DNAH8: variants seen among roughly 807,000 people sequenced by gnomAD.
DNAH8 encodes axonemal beta dynein heavy chain 8.
Under a neutral mutation model 562.1 loss-of-function variants are expected in DNAH8, and 382 were observed. The ratio of observed to expected loss-of-function variants is 0.68; its 90% confidence interval spans 0.63 to 0.74. The LOEUF is 0.74. DNAH8 is among the 30% of genes least tolerant of loss of function. The probability of loss-of-function intolerance (pLI) is 0.00; values close to 1 mark genes in which losing one functional copy is unlikely to be tolerated. For synonymous variants in DNAH8, 1,881 were observed against 1,919.4 expected (o/e 0.98, Z 0.52); for missense variants, 5,203 against 5,620.4 (o/e 0.93, Z 2.37).
intron 31 of DNAH8, 38 bp from the exon 32 acceptor site, chr6:38,834,541 A>G (rs1403165955): frequency 7.2e-7 from 1 of 1,390,524 alleles, no homozygotes; most frequent in Non-Finnish European, 9.9e-7. Context: ...AATACATATG[A>G]TTAAGAATGA....
intron 45 of DNAH8, 109 bp downstream of exon 45, chr6:38,864,169 C>A: frequency 4.4e-6 from 4 of 907,072 alleles, no homozygotes; most frequent in South Asian, 1.7e-5. Context: ...GAGTTATAAG[C>A]TGTTCTCTCT....
intron 16 of DNAH8, 55 bp from the exon 17 acceptor site, chr6:38,782,949 G>A (rs1768784379): frequency 1.4e-6 from 2 of 1,468,246 alleles, no homozygotes; most frequent in Non-Finnish European, 9.4e-7. Flanking sequence ...TCATTATTTG[G>A]ATATAAAAAC....
intron 68 of DNAH8, 136 bp from the exon 69 acceptor site, chr6:38,917,103 C>A: frequency 1.7e-6 from 1 of 593,002 alleles, no homozygotes; most frequent in Non-Finnish European, 2.7e-6. Flanking sequence ...GAAAGAGCCA[C>A]TAAGCAAAAA....
At chr6:38,994,574 A>G (rs564130653) in intron 88 of DNAH8, among the ~76,000 whole-genome samples, 1 of 150,240 alleles carries the variant, frequency 6.7e-6, no homozygotes, top group South Asian at 2.1e-4. Context: ...GAATTTACCT[A>G]TTAGGTATAA....
intron 13 of DNAH8, among the ~76,000 whole-genome samples, chr6:38,777,454 A>G (rs576006841): frequency 4.6e-5 from 7 of 152,290 alleles, no homozygotes; most frequent in African/African-American, 1.7e-4. Flanking sequence ...TTCGTTTTCC[A>G]ATGTTTGATT....
intron 82 of DNAH8, among the ~76,000 whole-genome samples, chr6:38,958,979 T>C (rs1308300471): frequency 6.6e-6 from 1 of 152,168 alleles, no homozygotes; most frequent in Non-Finnish European, 1.5e-5. Context: ...TCAAGGTACA[T>C]AAATCAGTAA....
chr6:38,936,896 G>A (rs946637800), intron 77 of DNAH8, among the ~76,000 whole-genome samples: 2 of 152,176 alleles, frequency 1.3e-5, no homozygotes, highest in Non-Finnish European at 2.9e-5. Context: ...GCTGTTCGCA[G>A]ATATGGGAAC....
At chr6:38,852,570 A>G in intron 39 of DNAH8, 124 bp from the exon 40 acceptor site, 10 of 655,334 alleles carry the variant, frequency 1.5e-5, no homozygotes, top group Non-Finnish European at 2.3e-5. Context: ...GTCTCTCTCT[A>G]TTTTTTGAGA....
rs748502789 is a variant in DNAH8, at chr6:38,755,965, A to G, written c.1408-7A>G. 1 of 1,517,906 alleles carries G rather than the reference A, an allele frequency of 6.6e-7. No individual in the cohort carries two copies. Among genetic ancestry groups the G allele is most frequent in the Non-Finnish European group, 9.1e-7 (1 of 1,093,530 alleles). 94.0% of individuals were successfully genotyped at this position (1,517,906 alleles called of 1,614,324 possible). A position where few individuals can be genotyped will look rare whatever the true frequency, so the allele number is the denominator to read the frequency against. ...GATGGAATTCACTTAATTTGTTTCA[A>G]TGTTAGGTTTCCATGGCACATGGAA... On this transcript the variant is annotated splice_region_variant and splice_polypyrimidine_tract_variant and intron_variant, in intron 9 of 92. Coordinates refer to ENST00000327475, the MANE Select transcript of DNAH8 (RefSeq NM_001206927.2).
intron 1 of DNAH8, among the ~76,000 whole-genome samples, chr6:38,717,545 A>C (rs1178892735): frequency 6.6e-6 from 1 of 151,516 alleles, no homozygotes; most frequent in African/African-American, 2.4e-5. Context: ...GGCTAGTCTC[A>C]AACTCCTGAG....
chr6:39,030,121 A>G lies in DNAH8; in HGVS notation c.13853A>G (p.Tyr4618Cys), dbSNP rs1488336144. Residue 4618 changes from tyrosine (Y) to cysteine (C), a missense_variant, in exon 93 of 93, where the codon TAT (tyrosine) becomes TGT (cysteine). Physicochemically the swap from Tyr to Cys is radical, Grantham distance 194 (BLOSUM62 -2). Coordinates refer to ENST00000327475, the MANE Select transcript of DNAH8 (RefSeq NM_001206927.2). ...TSPPGEGVYI[Y>C]GLYMDGAAWD... is the part of the protein sequence containing the mutation. ...CTCTTCCAGGAAGGTGTGTATATTT[A>G]TGGGCTCTACATGGATGGAGCAGCC... 3 of 1,613,586 alleles carry G rather than the reference A, an allele frequency of 1.9e-6. No homozygotes were observed. Among genetic ancestry groups the G allele is most frequent in the East Asian group, 2.2e-5 (1 of 44,878 alleles).
intron 43 of DNAH8, among the ~76,000 whole-genome samples, chr6:38,861,572 T>G (rs553930757): frequency 1.3e-5 from 2 of 152,312 alleles, no homozygotes; most frequent in African/African-American, 4.8e-5. Context: ...TCTTTTTTTG[T>G]TTTGAGACAG....
intron 68 of DNAH8, 46 bp from the exon 69 acceptor site, chr6:38,917,193 A>G (rs775068568): frequency 7.3e-7 from 1 of 1,367,866 alleles, no homozygotes; most frequent in Non-Finnish European, 1.0e-6. Flanking sequence ...TATAACTATT[A>G]ATACCACTCA....
chr6:38,777,725 C>T (rs191186035), intron 13 of DNAH8, among the ~76,000 whole-genome samples: 1 of 152,292 alleles, frequency 6.6e-6, no homozygotes, highest in East Asian at 1.9e-4. Context: ...AGCCACCACT[C>T]TGGGCCAATG....
At chr6:38,721,811 T>C (rs1430453132) in intron 1 of DNAH8, among the ~76,000 whole-genome samples, 1 of 152,194 alleles carries the variant, frequency 6.6e-6, no homozygotes, top group Non-Finnish European at 1.5e-5. Flanking sequence ...TGACCCATCA[T>C]AAGAAGCTCC....
At chr6:38,765,268 T>G (rs978261709) in intron 11 of DNAH8, among the ~76,000 whole-genome samples, 2 of 152,240 alleles carry the variant, frequency 1.3e-5, no homozygotes, top group African/African-American at 4.8e-5. Flanking sequence ...AGAGGTTGTC[T>G]CTTCACTCTG....
At chr6:38,935,371 G>C (rs1487499729) in intron 76 of DNAH8, among the ~76,000 whole-genome samples, 1 of 152,206 alleles carries the variant, frequency 6.6e-6, no homozygotes, top group African/African-American at 2.4e-5. Context: ...GCCAGTATAA[G>C]TGCTGTGGAA....
chr6:38,869,440 G>C (rs1777297583), intron 48 of DNAH8, among the ~76,000 whole-genome samples: 1 of 152,088 alleles, frequency 6.6e-6, no homozygotes, highest in Non-Finnish European at 1.5e-5. Context: ...GCCTCCCTTA[G>C]ATAATGGTAT....
At chr6:38,817,879 A>C (rs937058240) in intron 26 of DNAH8, among the ~76,000 whole-genome samples, 1 of 152,200 alleles carries the variant, frequency 6.6e-6, no homozygotes, top group East Asian at 1.9e-4. Flanking sequence ...GAAAGACACA[A>C]TCCAATGCCA....
Sources: gnomAD v4.1 joint callset for allele counts (sites outside exome capture counted in the v4.1 genomes callset) on GRCh38, gnomAD v4.1.1 for gene constraint, MANE v1.5 for transcripts, NCBI Gene and HGNC (gene_info 2026-07-23, HGNC 2026-07-21) for gene names.